The following PNKD variants were observed in gnomAD, a reference collection of about 807,000 sequenced individuals.
PNKD encodes the protein probable thioesterase PNKD.
Under a neutral mutation model 45.3 loss-of-function variants are expected in PNKD, and 36 were observed. The ratio of observed to expected loss-of-function variants is 0.80; its 90% CI spans 0.61 to 1.05. The LOEUF is 1.05. Ranked by LOEUF, PNKD falls within the 50% of genes least tolerant of loss-of-function variation. PNKD has a pLI of 0.00. For synonymous variants in PNKD, 197 were observed against 210.1 expected (o/e 0.94, Z 0.54); for missense variants, 511 against 506.6 (o/e 1.01, Z -0.08).
At chr2:218,276,767 C>G (rs931320953) in intron 2 of PNKD, among the ~76,000 whole-genome samples, 1 of 152,122 alleles carries the variant, frequency 6.6e-6, no homozygotes, top group Non-Finnish European at 1.5e-5. Context: ...CCTAGGAGTG[C>G]AGTGATGCAG....
rs572859112 is a variant in PNKD, at chr2:218,340,006, C to T, written c.353-23C>T. 34 of 1,557,370 alleles carry T rather than the reference C, an allele frequency of 2.2e-5. No individual in the cohort carries two copies. The South Asian group carries it at 3.2e-4, about 15-fold the overall frequency. ...CTGGGCTCCCTGCCTGTTACCCCGCCCACAGCCCATCTCTGTCCCCAGGAG... is the reference window on the plus strand; with the variant it reads ...CTGGGCTCCCTGCCTGTTACCCCGCTCACAGCCCATCTCTGTCCCCAGGAG... On this transcript the variant is annotated intron_variant, in intron 3 of 9. Transcript: ENST00000273077. The surrounding 1 kb of genome is among the most constrained non-coding windows in gnomAD (Gnocchi z 4.2).
chr2:218,330,047 G>A (rs147263250), intron 2 of PNKD, among the ~76,000 whole-genome samples: 1 of 152,326 alleles, frequency 6.6e-6, no homozygotes, highest in Admixed American at 6.5e-5. Flanking sequence ...GCCTGAGCTT[G>A]CCTGTTGGGT....
chr2:218,294,535 T>C (rs1693096067), intron 2 of PNKD, among the ~76,000 whole-genome samples: 1 of 152,224 alleles, frequency 6.6e-6, no homozygotes, highest in Non-Finnish European at 1.5e-5. Context: ...CTCTGTGCAA[T>C]GGCACAATTG....
chr2:218,333,028 T>C (rs2106285484), intron 2 of PNKD, among the ~76,000 whole-genome samples: 1 of 152,264 alleles, frequency 6.6e-6, no homozygotes, highest in Admixed American at 6.5e-5. Flanking sequence ...CCAGCACGAA[T>C]GTCACCCTCT....
At chr2:218,331,902 T>G (rs1235998002) in intron 2 of PNKD, among the ~76,000 whole-genome samples, 1 of 152,270 alleles carries the variant, frequency 6.6e-6, no homozygotes, top group Non-Finnish European at 1.5e-5. Flanking sequence ...CTGTGCAGTT[T>G]TCCAAGGTCT....
intron 2 of PNKD, among the ~76,000 whole-genome samples, chr2:218,315,012 T>TTC (rs1456479569): frequency 0.11 from 447 of 4,004 alleles, 6 homozygotes; most frequent in Non-Finnish European, 0.18. Flanking sequence ...CTTTCTTTCT[T>TTC]TTTCTTTCTT....
intron 2 of PNKD, among the ~76,000 whole-genome samples, chr2:218,310,625 CCT>C (rs572816745): frequency 2.9e-4 from 41 of 141,832 alleles, no homozygotes; most frequent in Non-Finnish European, 5.6e-4. Flanking sequence ...GGAGTCTCCC[CCT>C]GTCACCCGGG....
At position 218,336,228 on chromosome 2, in the gene PNKD, A is replaced by AAAAAAAAT. The variant is rs1553672785; in HGVS notation, c.237-3555_237-3554insAAAAAAAT. Among the ~76,000 whole-genome samples, 476 of 149,210 alleles carry AAAAAAAAT rather than the reference A, an allele frequency of 3.2e-3. 14 individuals carry two copies. Among genetic ancestry groups the AAAAAAAAT allele is most frequent in the African/African-American group, 0.011 (445 of 40,644 alleles). ...GACTCCATCTCAAAAAAAAAAAAAA[A>AAAAAAAAT]GTTTGGAAAAAATAGCCATTAAAAG... On this transcript the variant is annotated intron_variant, in intron 2 of 9. Coordinates refer to ENST00000273077, the MANE Select transcript of PNKD (RefSeq NM_015488.5).
rs558552251 is a variant in PNKD at position 218,340,832 on chromosome 2, C to T, written c.524+46C>T. The T allele has an allele frequency of 8.6e-6, 13 of 1,516,418 alleles. No homozygotes were observed. Among genetic ancestry groups the T allele is most frequent in the Non-Finnish European group, 1.1e-5 (12 of 1,090,884 alleles). The allele number at this position is 1,516,418 out of a possible 1,614,324, so 93.9% of individuals were successfully genotyped here. On this transcript the variant is annotated intron_variant, in intron 5 of 9. Transcript: ENST00000273077. This position sits in a 1 kb window ranked among gnomAD's most constrained non-coding sequence, Gnocchi z 4.2. Reference sequence around the variant, plus strand: ...CTGGCCCACCCTTGTCCCAGCTGGGCTTGCCAGGACTGGGCCCATTGAGGA... The same window carrying T: ...CTGGCCCACCCTTGTCCCAGCTGGGTTTGCCAGGACTGGGCCCATTGAGGA...
At chr2:218,302,233 A>T (rs767225333) in intron 2 of PNKD, among the ~76,000 whole-genome samples, 12 of 152,190 alleles carry the variant, frequency 7.9e-5, no homozygotes, top group Non-Finnish European at 1.8e-4. Flanking sequence ...ATGTAGTCCC[A>T]GCTACTCGGG....
chr2:218,342,893 C>G (rs1470909316), intron 7 of PNKD, among the ~76,000 whole-genome samples: 1 of 152,078 alleles, frequency 6.6e-6, no homozygotes, highest in African/African-American at 2.4e-5. Context: ...GTGGTGAGCC[C>G]AGGAATTCAA....
At chr2:218,279,393 C>T in intron 2 of PNKD, 1 of 1,506,166 alleles carries the variant, frequency 6.6e-7, no homozygotes, top group Non-Finnish European at 8.9e-7. Context: ...CATCCGGCAC[C>T]CCTGGCCTGC....
Position 218,340,754 on chromosome 2 carries a change from C to T in PNKD, c.492C>T (p.Thr164=), listed in dbSNP as rs775533328. The change falls in exon 5 of 10, where the codon ACC becomes ACT. Residue 164 remains threonine (T), a synonymous_variant. Transcript: ENST00000273077. The surrounding 1 kb of genome is among the most constrained non-coding windows in gnomAD (Gnocchi z 4.2). Reference sequence around the variant, plus strand: ...CTTCCATTGAAAAGGAAGGGGTCACCTTGGTCGCCATTCTGTGTACTCACA... The same window carrying T: ...CTTCCATTGAAAAGGAAGGGGTCACTTTGGTCGCCATTCTGTGTACTCACA... ...VQASIEKEGV[T]LVAILCTHKH... The T allele has an allele frequency of 8.7e-6, 14 of 1,614,092 alleles. No individual in the cohort carries two copies. In the Admixed American group the frequency reaches 2.3e-4, roughly 27 times the overall value.
chr2:218,299,186 A>C (rs1174117226), intron 2 of PNKD, among the ~76,000 whole-genome samples: 2 of 151,956 alleles, frequency 1.3e-5, no homozygotes, highest in African/African-American at 4.8e-5. Context: ...CCTAGAGTGC[A>C]ATGGCAGTGC....
intron 2 of PNKD, among the ~76,000 whole-genome samples, chr2:218,329,450 G>A (rs1694255667): frequency 6.6e-6 from 1 of 152,248 alleles, no homozygotes. Flanking sequence ...CATGGAGACA[G>A]AACTAGCCAA....
chr2:218,341,611 TC>T lies in PNKD; in HGVS notation c.606del (p.Tyr203ThrfsTer70). 1 of 1,579,526 alleles carries T rather than the reference TC, an allele frequency of 6.3e-7. No individual in the cohort carries two copies. On this transcript the variant is annotated frameshift_variant, in exon 6 of 10. Transcript: ENST00000273077. LOFTEE classifies it high-confidence loss of function. The stretch of plus-strand genomic sequence containing the variant: ...GTGTACGGGAGCCCTCAGGACGGCA[TC>T]CCCTACCTCACCCAGTAAGTCCCTG... ...CRVYGSPQDGIPYLTHPLCHQ... is the reference protein window; with the variant it reads ...CRVYGSPQDGXPYLTHPLCHQ...
In PNKD at chr2:218,272,819, T is replaced by C. The variant is rs574192324; in HGVS notation, c.236+1270T>C. The stretch of plus-strand genomic sequence containing the variant: ...GTTAAGTCCTCAGGTTTGGCCCAGA[T>C]TCCAGTTCGTGCCTCTGAGGTCCAC... On this transcript the variant is annotated intron_variant, in intron 2 of 9. Coordinates refer to ENST00000273077, the MANE Select transcript of PNKD (RefSeq NM_015488.5). 6 of 1,612,548 alleles carry C rather than the reference T, an allele frequency of 3.7e-6. No individual in the cohort carries two copies. In the African/African-American group the frequency reaches 6.7e-5, roughly 18 times the overall value.
chr2:218,318,883 A>AT (rs1391235526), intron 2 of PNKD, among the ~76,000 whole-genome samples: 1 of 147,348 alleles, frequency 6.8e-6, no homozygotes, highest in Non-Finnish European at 1.5e-5. Flanking sequence ...AGGGAGTAAC[A>AT]TTTTTTCTTT....
At chr2:218,310,470 C>A (rs988030834) in intron 2 of PNKD, among the ~76,000 whole-genome samples, 2 of 152,108 alleles carry the variant, frequency 1.3e-5, no homozygotes, top group Admixed American at 1.3e-4. Flanking sequence ...TATCCCCCCA[C>A]CTCGACCTCT....
Sources: allele counts gnomAD v4.1 joint callset (sites outside exome capture counted in the v4.1 genomes callset), GRCh38; gene constraint gnomAD v4.1.1; non-coding constraint Gnocchi (gnomAD v3.1); transcripts MANE v1.5; gene names NCBI Gene and HGNC (gene_info 2026-07-23, HGNC 2026-07-21).